XYLB: variants seen among roughly 807,000 people sequenced by gnomAD.
The protein encoded by XYLB is xylulose kinase.
In XYLB, 62 loss-of-function variants were observed where a neutral mutation model predicts 78.7. That is an observed-to-expected ratio of 0.79 (90% CI 0.64 to 0.97). The LOEUF (loss-of-function observed/expected upper bound fraction) is 0.97, where lower values mean the gene tolerates loss of function less well. Among genes scored for constraint, XYLB ranks in the 50% least tolerant of loss-of-function variants. The pLI, the probability that XYLB is intolerant of heterozygous loss-of-function variation, is 0.00. For synonymous variants in XYLB, 245 were observed against 247.4 expected, an observed-to-expected ratio of 0.99 and a Z score of 0.09; for missense variants, 687 against 676.8, an observed-to-expected ratio of 1.02 and a Z score of -0.17.
At chr3:38,423,350 G>T (rs891586671), downstream of XYLB, among the ~76,000 whole-genome samples, 2 of 152,190 alleles carry the variant, frequency 1.3e-5, no homozygotes, top group African/African-American at 2.4e-5. Flanking sequence ...GGGATTACAG[G>T]TGTGAGCCAC....
intron 1 of XYLB, 31 bp downstream of exon 1, chr3:38,346,956 C>T (rs1430178116): frequency 4.9e-6 from 7 of 1,427,968 alleles, no homozygotes; most frequent in South Asian, 1.4e-5. Flanking sequence ...GGCCACGGGG[C>T]CGCCTCCTCC....
chr3:38,449,469 G>A, the XYLB span, among the ~76,000 whole-genome samples: 1 of 152,090 alleles, frequency 6.6e-6, no homozygotes. Flanking sequence ...TGTTGTCCAG[G>A]CTAGTCTTGA....
chr3:38,379,497 G>A (rs139906479), intron 15 of XYLB, among the ~76,000 whole-genome samples, 155 bp downstream of exon 15: 147 of 152,330 alleles, frequency 9.7e-4, no homozygotes, highest in Middle Eastern at 3.4e-3. Context: ...GATGGGGTGA[G>A]AAAGTGTCAA....
At chr3:38,394,803 G>A (rs181547441) in intron 15 of XYLB, among the ~76,000 whole-genome samples, 3 of 152,310 alleles carry the variant, frequency 2.0e-5, no homozygotes, top group African/African-American at 7.2e-5. Flanking sequence ...AGGCTTGACT[G>A]ACGCTGGAGG....
intron 4 of XYLB, among the ~76,000 whole-genome samples, chr3:38,364,938 A>G (rs1338025549): frequency 6.6e-6 from 1 of 152,254 alleles, no homozygotes; most frequent in African/African-American, 2.4e-5. Flanking sequence ...ATGCAGTTTT[A>G]CAAAAGGCAT....
intron 11 of XYLB, 25 bp from the exon 12 acceptor site, chr3:38,375,119 C>T: frequency 6.3e-7 from 1 of 1,598,040 alleles, no homozygotes; most frequent in Non-Finnish European, 8.6e-7. Context: ...GCCCAAGGTG[C>T]CCACCTCTGC....
At chr3:38,377,579 C>G (rs545410401) in intron 14 of XYLB, among the ~76,000 whole-genome samples, 1 of 151,956 alleles carries the variant, frequency 6.6e-6, no homozygotes, top group South Asian at 2.1e-4. Flanking sequence ...TCCTGAGTAG[C>G]TGGGATTATA....
At position 38,381,641 on chromosome 3, in the gene XYLB, C is replaced by G. The variant is rs146940648; in HGVS notation, c.1291+2299C>G. On this transcript the variant is annotated intron_variant, in intron 15 of 18. Transcript: ENST00000207870. ...CCTGCGGGTAGGTCTCTGAACTGGC[C>G]CCCCTGGGCGTAGCCTGTCTCTTAT... is the stretch of plus-strand genomic sequence containing the variant. Among the ~76,000 whole-genome samples, 357 of 152,212 alleles carry G rather than the reference C, an allele frequency of 2.3e-3. 3 individuals are homozygous for G. Among genetic ancestry groups the G allele is most frequent in the Non-Finnish European group, 3.8e-3 (256 of 68,024 alleles).
intron 15 of XYLB, among the ~76,000 whole-genome samples, chr3:38,390,845 G>A (rs1707619604): frequency 6.6e-6 from 1 of 152,140 alleles, no homozygotes; most frequent in African/African-American, 2.4e-5. Flanking sequence ...AAAATATCAT[G>A]TATACAGTAG....
rs1302883900 is a variant in XYLB at position 38,365,633 on chromosome 3, C to T, written c.404C>T (p.Pro135Leu). The T allele has an allele frequency of 5.6e-6, 9 of 1,613,486 alleles. No homozygotes were observed. Among genetic ancestry groups the T allele is most frequent in the African/African-American group, 2.7e-5 (2 of 74,936 alleles). ...LQDCFSISDC[P>L]VWMDSSTTAQ... is the part of the protein sequence containing the mutation. ...GACTGTTTCTCCATCAGCGACTGCC[C>T]GGTGTGGATGGACTCCAGCACCACA... The change falls in exon 6 of 19, where the codon CCG (proline) becomes CTG (leucine). Residue 135 changes from proline (P) to leucine (L), a missense_variant. Coordinates refer to ENST00000207870, the MANE Select transcript of XYLB (RefSeq NM_005108.4).
At chr3:38,395,243 T>G (rs1373920130) in intron 15 of XYLB, among the ~76,000 whole-genome samples, 1 of 152,212 alleles carries the variant, frequency 6.6e-6, no homozygotes, top group African/African-American at 2.4e-5. Flanking sequence ...GGAAGTTCCC[T>G]TCTCCTGTTT....
At chr3:38,366,000 C>T (rs1706239489) in intron 6 of XYLB, among the ~76,000 whole-genome samples, 1 of 151,908 alleles carries the variant, frequency 6.6e-6, no homozygotes, top group South Asian at 2.1e-4. Context: ...GAAGGCACCT[C>T]CTGTCATTAT....
At chr3:38,426,571 G>T in the XYLB span, among the ~76,000 whole-genome samples, 1 of 152,154 alleles carries the variant, frequency 6.6e-6, no homozygotes, top group African/African-American at 2.4e-5. Flanking sequence ...ACACTTGGAG[G>T]CTCTGCAATT....
At chr3:38,412,915 C>T in intron 18 of XYLB, 21 bp from the exon 19 acceptor site, 2 of 1,598,946 alleles carry the variant, frequency 1.3e-6, no homozygotes, top group Middle Eastern at 1.7e-4. Flanking sequence ...CTGTTCTAAA[C>T]TGCTTTTTCT....
At chr3:38,371,041 G>A (rs1706530337) in intron 9 of XYLB, among the ~76,000 whole-genome samples, 1 of 152,194 alleles carries the variant, frequency 6.6e-6, no homozygotes, top group Non-Finnish European at 1.5e-5. Context: ...CGTGTAACTG[G>A]GAATCTTGGG....
chr3:38,351,634 T>A (rs1705369038), intron 2 of XYLB, among the ~76,000 whole-genome samples: 2 of 152,196 alleles, frequency 1.3e-5, no homozygotes, highest in Admixed American at 6.5e-5. Context: ...AATGAGTATT[T>A]CCATGTCCTA....
chr3:38,420,548 G>A (rs1708943719), exon 18 of XYLB, among the ~76,000 whole-genome samples: 1 of 152,264 alleles, frequency 6.6e-6, no homozygotes, highest in East Asian at 1.9e-4. Context: ...TATGGTTTTG[G>A]TATTATGTGT....
chr3:38,361,412 T>C (rs1342856271), intron 3 of XYLB, among the ~76,000 whole-genome samples: 1 of 152,236 alleles, frequency 6.6e-6, no homozygotes, highest in Non-Finnish European at 1.5e-5. Flanking sequence ...TATTACATTC[T>C]TTTTGTTCAA....
At chr3:38,360,632 G>A (rs551526498) in intron 3 of XYLB, among the ~76,000 whole-genome samples, 22 of 152,350 alleles carry the variant, frequency 1.4e-4, no homozygotes, top group African/African-American at 5.0e-4. Context: ...AGGTACTGGA[G>A]CTACAGCAGA....
Sources: gnomAD v4.1 joint callset for allele counts (sites outside exome capture counted in the v4.1 genomes callset) on GRCh38, gnomAD v4.1.1 for gene constraint, MANE v1.5 for transcripts, NCBI Gene and HGNC (gene_info 2026-07-23, HGNC 2026-07-21) for gene names.